MYPOP: variants seen among roughly 807,000 people sequenced by gnomAD.
MYPOP encodes myb-related transcription factor, partner of profilin.
In MYPOP, 21 loss-of-function variants were observed where a neutral mutation model predicts 25.7. The observed-to-expected ratio is 0.82, with a 90% CI of 0.58 to 1.18. The LOEUF (loss-of-function observed/expected upper bound fraction) is 1.18. Ranked by LOEUF, MYPOP falls within the 50% of genes most tolerant of loss-of-function variation. MYPOP has a pLI of 0.00. For missense variants in MYPOP, 566 were observed against 588.3 expected (o/e 0.96, Z 0.39); for synonymous variants, 280 against 247.9 (o/e 1.13, Z -1.22).
intron 2 of MYPOP, among the ~76,000 whole-genome samples, chr19:45,900,749 A>G (rs1967276633): frequency 6.6e-6 from 1 of 152,208 alleles, no homozygotes; most frequent in African/African-American, 2.4e-5. Flanking sequence ...TATTTATGAA[A>G]TAGTGAAATA....
chr19:45,898,481 G>C (rs1049139245), intron 2 of MYPOP, among the ~76,000 whole-genome samples: 5 of 151,754 alleles, frequency 3.3e-5, no homozygotes, highest in Admixed American at 6.6e-5. Flanking sequence ...GCGCCACCAC[G>C]CGTGGCTAAT....
At position 45,890,874 on chromosome 19, in the gene MYPOP, G is replaced by A. The variant is rs769528524; in HGVS notation, c.949C>T (p.Pro317Ser). 5.6e-6 allele frequency: 8 copies of A among 1,418,830 alleles called. No homozygotes were observed. The African/African-American group carries it at 1.0e-4, about 18-fold the overall frequency. 87.9% of individuals were successfully genotyped at this position (1,418,830 alleles called of 1,614,324 possible). ...GGCAGGACAGGCCTGGGAGGTGGCG[G>A]TGGGGGTGGGGGTGGGGGCAGAGGT... ...PPPLPPPPPP[P>S]PPPRPVLPPP... Residue 317 changes from proline (P) to serine (S), a missense_variant, in exon 3 of 3, where the codon CCG becomes TCG. Physicochemically the swap from Pro to Ser is moderately conservative, Grantham distance 74 (BLOSUM62 -1). Coordinates refer to ENST00000322217, the MANE Select transcript of MYPOP (RefSeq NM_001012643.4).
At position 45,901,143 on chromosome 19, in the gene MYPOP, A is replaced by C; in HGVS notation, c.499+132T>G. The C allele has an allele frequency of 1.1e-6, 1 of 877,074 alleles. No individual in the cohort carries two copies. Among genetic ancestry groups the C allele is most frequent in the South Asian group, 3.2e-5 (1 of 31,514 alleles). 54.3% of individuals were successfully genotyped at this position (877,074 alleles called of 1,614,324 possible). A position where few individuals can be genotyped will look rare whatever the true frequency, so the allele number is the denominator to read the frequency against. On this transcript the variant is annotated intron_variant, in intron 2 of 2. Transcript: ENST00000322217. This position sits in a 1 kb window ranked among gnomAD's most constrained non-coding sequence, Gnocchi z 5.7. ...TGAGGCAAGTCATTTCATTTTTCTG[A>C]GCTTCAGTTTCCCTAGCTATAAAAT...
chr19:45,898,980 A>G (rs1313465173), intron 2 of MYPOP, among the ~76,000 whole-genome samples: 1 of 152,116 alleles, frequency 6.6e-6, no homozygotes, highest in Admixed American at 6.6e-5. Context: ...TAATCCCAGC[A>G]CTTTGGGTGG....
rs777764692 is a variant in MYPOP, at chr19:45,890,724, G to A, written c.1099C>T (p.Arg367Trp). ...GGAGGGAGCGGGGCTGGGGGGGGCCGGGGTGCCCCCTCCTCGCTCCTTGGG... is the reference window on the plus strand; with the variant it reads ...GGAGGGAGCGGGGCTGGGGGGGGCCAGGGTGCCCCCTCCTCGCTCCTTGGG... ...IAPRSEEGAP[R>W]PPPAPLPPHD... Residue 367 changes from arginine to tryptophan, a missense_variant, in exon 3 of 3, where the codon CGG becomes TGG. Arg to Trp is a moderately radical substitution (Grantham distance 101). Coordinates refer to ENST00000322217, the MANE Select transcript of MYPOP (RefSeq NM_001012643.4). The A allele has an allele frequency of 1.7e-5, 26 of 1,570,732 alleles. No individual in the cohort carries two copies. Among genetic ancestry groups the A allele is most frequent in the African/African-American group, 1.6e-4 (12 of 73,060 alleles).
chr19:45,900,251 A>G (rs951353924), intron 2 of MYPOP, among the ~76,000 whole-genome samples: 1 of 151,900 alleles, frequency 6.6e-6, no homozygotes, highest in Non-Finnish European at 1.5e-5. Flanking sequence ...TCATCTCAAA[A>G]TGTTACTTTT....
rs1177375189 is a variant in MYPOP, at chr19:45,901,475, C to T, written c.299G>A (p.Gly100Asp). 1.2e-6 allele frequency: 2 copies of T among 1,604,718 alleles called. No individual in the cohort carries two copies. Among genetic ancestry groups the T allele is most frequent in the East Asian group, 2.3e-5 (1 of 44,210 alleles). The change falls in exon 2 of 3, where the codon GGC becomes GAC. Residue 100 changes from glycine (G) to aspartate (D), a missense_variant. Coordinates refer to ENST00000322217, the MANE Select transcript of MYPOP (RefSeq NM_001012643.4). The surrounding 1 kb of genome is among the most constrained non-coding windows in gnomAD (Gnocchi z 5.7). ...AGCGTCCTCCGCGGCGGGCCCGGCG[C>T]CCTGCGTGGAGTGCGGCACGCGAGC... ...KLARVPHSTQ[G>D]AGPAAEDAFS...
rs1161009187 is a variant in MYPOP at position 45,901,999 on chromosome 19, C to G, written c.-52-174G>C. The stretch of plus-strand genomic sequence containing the variant: ...GGAAGCGCCTAAGAGTAGCTGACAC[C>G]GGCTGAGCGCTTGGCTCGGACTTCG... On this transcript the variant is annotated intron_variant, in intron 1 of 2. Coordinates refer to ENST00000322217, the MANE Select transcript of MYPOP (RefSeq NM_001012643.4). This position sits in a 1 kb window ranked among gnomAD's most constrained non-coding sequence, Gnocchi z 5.7. Among the ~76,000 whole-genome samples the G allele has an allele frequency of 2.0e-5, 3 of 151,220 alleles. No homozygotes were observed. Among genetic ancestry groups the G allele is most frequent in the Admixed American group, 6.6e-5 (1 of 15,226 alleles).
chr19:45,901,862 G>T lies in MYPOP; in HGVS notation c.-52-37C>A, dbSNP rs1266931187. ...GGGCGCACGGGGCTGGCTGGGGTTC[G>T]GGGTCCCCCCGCCGCCGCCTCTCCC... On this transcript the variant is annotated intron_variant, in intron 1 of 2. Coordinates refer to ENST00000322217, the MANE Select transcript of MYPOP (RefSeq NM_001012643.4). This position sits in a 1 kb window ranked among gnomAD's most constrained non-coding sequence, Gnocchi z 5.7. The T allele has an allele frequency of 9.1e-7, 1 of 1,098,858 alleles. No homozygotes were observed. The highest frequency in any genetic ancestry group is 1.6e-5 in the African/African-American group (1 of 60,758). 68.1% of individuals were successfully genotyped at this position (1,098,858 alleles called of 1,614,324 possible). A position where few individuals can be genotyped will look rare whatever the true frequency, so the allele number is the denominator to read the frequency against.
Position 45,901,282 on chromosome 19 carries a change from T to G in MYPOP, c.492A>C (p.Arg164=). The G allele has an allele frequency of 6.9e-7, 1 of 1,448,208 alleles. No homozygotes were observed. The allele number at this position is 1,448,208 out of a possible 1,614,324, so 89.7% of individuals were successfully genotyped here. ...YVLSEDRRED[R]RADTSAHSKA... is the part of the protein sequence containing the mutation. Reference sequence around the variant, plus strand: ...TACTCTGAAGACACTCACCTGCACGTCGGTCCTCCCGGCGGTCTTCCGACA... The same window carrying G: ...TACTCTGAAGACACTCACCTGCACGGCGGTCCTCCCGGCGGTCTTCCGACA... The change falls in exon 2 of 3, where the codon CGA becomes CGC. Residue 164 remains arginine (R), a synonymous_variant. Transcript: ENST00000322217. This position sits in a 1 kb window ranked among gnomAD's most constrained non-coding sequence, Gnocchi z 5.7.
At chr19:45,897,690 G>A (rs1204299620) in intron 2 of MYPOP, among the ~76,000 whole-genome samples, 2 of 150,246 alleles carry the variant, frequency 1.3e-5, no homozygotes, top group African/African-American at 4.9e-5. Context: ...TGTGTAGCTG[G>A]GACCAAGGCG....
In MYPOP at chr19:45,890,721, G is replaced by GGGC; in HGVS notation, c.1101_1102insGCC (p.Arg367_Pro368insAla). ...TGCGGAGGGAGCGGGGCTGGGGGGG[G>GGGC]CCGGGGTGCCCCCTCCTCGCTCCTT... On this transcript the variant is annotated inframe_insertion, in exon 3 of 3. Transcript: ENST00000322217. 1 of 1,418,516 alleles carries GGGC rather than the reference G, an allele frequency of 7.0e-7. No individual in the cohort carries two copies. The highest frequency in any genetic ancestry group is 9.7e-7 in the Non-Finnish European group (1 of 1,026,518). 87.9% of individuals were successfully genotyped at this position (1,418,516 alleles called of 1,614,324 possible).
intron 2 of MYPOP, among the ~76,000 whole-genome samples, chr19:45,894,549 G>A (rs1277836827): frequency 6.6e-6 from 1 of 151,852 alleles, no homozygotes; most frequent in Non-Finnish European, 1.5e-5. Flanking sequence ...GAGCTTCTGG[G>A]ACCACAGAGG....
intron 2 of MYPOP, among the ~76,000 whole-genome samples, chr19:45,899,779 T>G (rs1372387808): frequency 2.6e-5 from 4 of 152,102 alleles, no homozygotes; most frequent in Admixed American, 2.6e-4. Flanking sequence ...AGGCGGAGGT[T>G]GCAGCAAGCC....
chr19:45,896,628 T>C (rs537538648), intron 2 of MYPOP, among the ~76,000 whole-genome samples: 2,460 of 151,684 alleles, frequency 0.016, 44 homozygotes, highest in East Asian at 0.081. Flanking sequence ...CTTTTTTTTT[T>C]TTTTTTTTGA....
intron 2 of MYPOP, among the ~76,000 whole-genome samples, chr19:45,896,264 T>G (rs546840192): frequency 6.6e-6 from 1 of 152,114 alleles, no homozygotes; most frequent in Non-Finnish European, 1.5e-5. Flanking sequence ...GCACTCCAGC[T>G]TGGGCGACAG....
At chr19:45,896,119 T>C (rs1374305659) in intron 2 of MYPOP, among the ~76,000 whole-genome samples, 2 of 152,066 alleles carry the variant, frequency 1.3e-5, no homozygotes, top group Non-Finnish European at 2.9e-5. Context: ...GGTGAAATCC[T>C]GTCTCTACTC....
At chr19:45,897,033 G>A (rs118133597) in intron 2 of MYPOP, among the ~76,000 whole-genome samples, 9,925 of 151,670 alleles carry the variant, frequency 0.065, 595 homozygotes, top group East Asian at 0.3. Context: ...TGGGATTACC[G>A]GTGTGAGCCA....
chr19:45,894,173 T>C (rs905647894), intron 2 of MYPOP, among the ~76,000 whole-genome samples: 13 of 149,576 alleles, frequency 8.7e-5, no homozygotes, highest in East Asian at 4.0e-4. Context: ...AGTGCAGTGG[T>C]GTGATCTCGG....
Sources: gnomAD v4.1 joint callset for allele counts (sites outside exome capture counted in the v4.1 genomes callset) on GRCh38, gnomAD v4.1.1 for gene constraint, Gnocchi (gnomAD v3.1) non-coding constraint, MANE v1.5 for transcripts, NCBI Gene and HGNC (gene_info 2026-07-23, HGNC 2026-07-21) for gene names.